Variants in SPRED1 observed in about 807,000 individuals in gnomAD.
SPRED1 encodes sprouty-related, EVH1 domain-containing protein 1.
A neutral mutation model predicts 52.3 loss-of-function variants in SPRED1; 18 were observed. That is an observed-to-expected ratio of 0.34 (90% CI 0.24 to 0.51). The LOEUF (loss-of-function observed/expected upper bound fraction) is 0.51, where lower values mean the gene tolerates loss of function less well. SPRED1 is among the 20% of genes least tolerant of loss of function. SPRED1 has a pLI of 0.97. For missense variants in SPRED1, 485 were observed against 551.0 expected (o/e 0.88, Z 1.20); for synonymous variants, 155 against 179.7 (o/e 0.86, Z 1.10).
intron 1 of SPRED1, among the ~76,000 whole-genome samples, chr15:38,292,381 A>G (rs1260478900): frequency 6.6e-6 from 1 of 152,134 alleles, no homozygotes; most frequent in African/African-American, 2.4e-5. Context: ...ATTTTTGGGT[A>G]TCTTTTCAGC....
chr15:38,291,980 A>G (rs763038726), intron 1 of SPRED1, among the ~76,000 whole-genome samples: 1 of 152,206 alleles, frequency 6.6e-6, no homozygotes, highest in Non-Finnish European at 1.5e-5. Context: ...TTTCCACTGC[A>G]TTGTCAGGCT....
chr15:38,260,661 C>T (rs1306886208), intron 1 of SPRED1, among the ~76,000 whole-genome samples: 1 of 152,100 alleles, frequency 6.6e-6, no homozygotes, highest in African/African-American at 2.4e-5. Flanking sequence ...ATTACCATAT[C>T]AAAATGAAAA....
At chr15:38,283,291 GA>G (rs1894734311) in intron 1 of SPRED1, among the ~76,000 whole-genome samples, 1 of 152,116 alleles carries the variant, frequency 6.6e-6, no homozygotes, top group Admixed American at 6.5e-5. Flanking sequence ...CAGCTTGGGG[GA>G]AACCACCCCC....
chr15:38,349,380 A>G (rs761697388), intron 5 of SPRED1, 42 bp from the exon 6 acceptor site: 1 of 1,458,408 alleles, frequency 6.9e-7, no homozygotes, highest in Non-Finnish European at 9.6e-7. Context: ...CATTAAAAGT[A>G]AAATTCTTGT....
chr15:38,344,009 A>G (rs1232207191), intron 5 of SPRED1, among the ~76,000 whole-genome samples: 1 of 152,204 alleles, frequency 6.6e-6, no homozygotes, highest in Non-Finnish European at 1.5e-5. Flanking sequence ...AATAATTGCA[A>G]CAATAAAGGC....
intron 6 of SPRED1, 52 bp downstream of exon 6, chr15:38,349,575 A>T (rs1555392628): frequency 1.3e-5 from 14 of 1,061,352 alleles, no homozygotes; most frequent in African/African-American, 6.8e-5. Context: ...ATTAATAGAT[A>T]GGTAAAGTTT....
At chr15:38,306,682 C>T (rs1487298124) in intron 2 of SPRED1, among the ~76,000 whole-genome samples, 2 of 152,152 alleles carry the variant, frequency 1.3e-5, no homozygotes, top group Non-Finnish European at 2.9e-5. Flanking sequence ...CATTTCTGTT[C>T]TCTTTCCCCG....
At chr15:38,336,431 TA>T (rs1895920698) in intron 4 of SPRED1, among the ~76,000 whole-genome samples, 6 of 44,946 alleles carry the variant, frequency 1.3e-4, no homozygotes, top group Admixed American at 1.3e-3. Context: ...TGTATATATA[TA>T]TATAATATTA....
intron 1 of SPRED1, among the ~76,000 whole-genome samples, chr15:38,274,703 G>A (rs560422526): frequency 1.8e-3 from 273 of 152,298 alleles, no homozygotes; most frequent in Non-Finnish European, 2.7e-3. Context: ...GATAAATGAT[G>A]TTGCATTAAG....
chr15:38,261,998 CTTTTTTT>C (rs35445689), intron 1 of SPRED1, among the ~76,000 whole-genome samples: 2 of 135,670 alleles, frequency 1.5e-5, no homozygotes, highest in Non-Finnish European at 3.1e-5. Context: ...TCACCAAACT[CTTTTTTT>C]TTTTTTTTTA....
intron 1 of SPRED1, among the ~76,000 whole-genome samples, chr15:38,287,285 G>C (rs570668725): frequency 6.6e-6 from 1 of 152,160 alleles, no homozygotes; most frequent in East Asian, 1.9e-4. Context: ...CATTATTCTA[G>C]TCTGTATTTC....
chr15:38,294,303 A>G lies in SPRED1; in HGVS notation c.33-5070A>G, dbSNP rs531971931. ...AAATAAGTTCCTGTTATACTGTACAAATCTTAAGGCATTGTAAGAACTTCC... is the reference window on the plus strand; with the variant it reads ...AAATAAGTTCCTGTTATACTGTACAGATCTTAAGGCATTGTAAGAACTTCC... On this transcript the variant is annotated intron_variant, in intron 1 of 6. Transcript: ENST00000299084. Among the ~76,000 whole-genome samples, 12 of 152,318 alleles carry G rather than the reference A, an allele frequency of 7.9e-5. No homozygotes were observed. In the South Asian group the frequency reaches 2.5e-3, roughly 32 times the overall value.
chr15:38,317,372 A>G (rs139590922), intron 2 of SPRED1, among the ~76,000 whole-genome samples: 206 of 152,032 alleles, frequency 1.4e-3, no homozygotes, highest in African/African-American at 4.6e-3. Flanking sequence ...CTAACTTCCT[A>G]TTGGCCAGAA....
rs774835982 is a variant in SPRED1 at position 38,351,374 on chromosome 15, A to C, written c.1045A>C (p.Arg349=). The C allele has an allele frequency of 1.2e-6, 2 of 1,613,988 alleles. No individual in the cohort carries two copies. The highest frequency in any genetic ancestry group is 1.7e-6 in the Non-Finnish European group (2 of 1,179,978). ...QERFNHEENV[R]GKCQDAPDPI... ...AAGGTTTAATCATGAAGAAAATGTT[A>C]GGGGAAAATGTCAGGATGCTCCAGA... is the stretch of plus-strand genomic sequence containing the variant. The change falls in exon 7 of 7, where the codon AGG becomes CGG. Residue 349 remains arginine, a synonymous_variant. Coordinates refer to ENST00000299084, the MANE Select transcript of SPRED1 (RefSeq NM_152594.3).
intron 2 of SPRED1, among the ~76,000 whole-genome samples, chr15:38,300,978 C>T (rs1215983950): frequency 6.6e-6 from 1 of 151,772 alleles, no homozygotes; most frequent in Non-Finnish European, 1.5e-5. Flanking sequence ...GCATTTTTTT[C>T]TAGATAAACT....
chr15:38,339,833 A>G lies in SPRED1; in HGVS notation c.520A>G (p.Arg174Gly). The G allele has an allele frequency of 6.2e-7, 1 of 1,613,960 alleles. No homozygotes were observed. The highest frequency in any genetic ancestry group is 8.5e-7 in the Non-Finnish European group (1 of 1,179,926). The change falls in exon 5 of 7, where the codon AGA becomes GGA. Residue 174 changes from arginine (R) to glycine (G), a missense_variant. Around this residue, in one of 5 missense-constraint regions of SPRED1, gnomAD observed 232 missense variants for 231.8 expected, o/e 1.00. Coordinates refer to ENST00000299084, the MANE Select transcript of SPRED1 (RefSeq NM_152594.3). ...TGAGCCTTATAGAAGCTCAAATATA[A>G]GACCTTCTCCCTTTGAAGATCTGAA... ...TSEPYRSSNIRPSPFEDLNAR... is the reference protein window; with the variant it reads ...TSEPYRSSNIGPSPFEDLNAR...
chr15:38,324,671 T>C (rs1895674222), intron 3 of SPRED1, 92 bp from the exon 4 acceptor site: 1 of 1,025,392 alleles, frequency 9.8e-7, no homozygotes, highest in Non-Finnish European at 1.5e-6. Context: ...ATTAGTCTTC[T>C]AAAGTATTAT....
At chr15:38,322,959 G>A (rs1442399306) in intron 3 of SPRED1, among the ~76,000 whole-genome samples, 1 of 152,056 alleles carries the variant, frequency 6.6e-6, no homozygotes, top group Non-Finnish European at 1.5e-5. Context: ...AGGTTTTGAA[G>A]GGAAGAATAA....
At chr15:38,319,958 A>T (rs1046437849) in intron 2 of SPRED1, among the ~76,000 whole-genome samples, 38 of 152,236 alleles carry the variant, frequency 2.5e-4, no homozygotes, top group African/African-American at 7.7e-4. Context: ...CATTGCATAT[A>T]GCATTGGGAA....
Sources: gnomAD v4.1 joint callset for allele counts (sites outside exome capture counted in the v4.1 genomes callset) on GRCh38, gnomAD v4.1.1 for gene constraint, gnomAD v4.1.1 regional missense constraint, MANE v1.5 for transcripts, NCBI Gene and HGNC (gene_info 2026-07-23, HGNC 2026-07-21) for gene names.